The following RNF212 variants were observed in gnomAD, a reference collection of about 807,000 sequenced individuals.
RNF212 encodes probable E3 SUMO-protein ligase RNF212.
In RNF212, 33 loss-of-function variants were observed where a neutral mutation model predicts 34.7. The observed-to-expected ratio is 0.95, with a 90% CI of 0.72 to 1.27. RNF212 has a LOEUF of 1.27. RNF212 is among the 50% of genes most tolerant of loss of function. The pLI, the probability that RNF212 is intolerant of heterozygous loss-of-function variation, is 0.00. For synonymous variants in RNF212, 140 were observed against 136.1 expected, an observed-to-expected ratio of 1.03 and a Z score of -0.20; for missense variants, 377 against 362.2, an observed-to-expected ratio of 1.04 and a Z score of -0.33.
intron 7 of RNF212, 149 bp from the exon 8 acceptor site, chr4:1,079,837 C>A: frequency 1.5e-6 from 1 of 670,696 alleles, no homozygotes; most frequent in Non-Finnish European, 2.7e-6. Context: ...ACTTAGGCAT[C>A]TGATCACTGC....
chr4:1,056,830 G>A, intron 4 of RNF212: 2 of 987,484 alleles, frequency 2.0e-6, no homozygotes, highest in South Asian at 4.7e-5. Context: ...GGCTGGCTGA[G>A]CACTTGCCTA....
intron 1 of RNF212, 133 bp from the exon 2 acceptor site, chr4:1,108,537 G>T: frequency 2.1e-6 from 1 of 467,950 alleles, no homozygotes; most frequent in South Asian, 6.0e-5. Context: ...GTTCTGACAG[G>T]ATGAGGCTGT....
At chr4:1,097,430 C>T (rs1723235636) in intron 2 of RNF212, among the ~76,000 whole-genome samples, 2 of 151,914 alleles carry the variant, frequency 1.3e-5, no homozygotes, top group Admixed American at 6.6e-5. Flanking sequence ...CAGTGAAACC[C>T]CGTCTCTACT....
At chr4:1,106,322 CT>C (rs778460970) in intron 2 of RNF212, among the ~76,000 whole-genome samples, 5 of 151,398 alleles carry the variant, frequency 3.3e-5, no homozygotes, top group Admixed American at 6.6e-5. Flanking sequence ...GAACACACGC[CT>C]TTTTAAACAC....
At chr4:1,070,894 C>T (rs1251023291), downstream of RNF212, among the ~76,000 whole-genome samples, 4 of 151,548 alleles carry the variant, frequency 2.6e-5, no homozygotes, top group African/African-American at 9.7e-5. Flanking sequence ...TTTTTTAATA[C>T]TGTTCTTACA....
chr4:1,075,031 G>A (rs1010342), intron 8 of RNF212, among the ~76,000 whole-genome samples: 120,887 of 152,184 alleles, frequency 0.79, 48,468 homozygotes, highest in African/African-American at 0.88. Flanking sequence ...TCCGCAGAGC[G>A]TTCAAGTGCT....
Position 1,084,205 on chromosome 4 carries a change from C to T in RNF212, c.362+1691G>A, listed in dbSNP as rs140567472. Among the ~76,000 whole-genome samples, 1,498 of 152,266 alleles carry T rather than the reference C, an allele frequency of 9.8e-3. 20 individuals carry two copies. Among genetic ancestry groups the T allele is most frequent in the African/African-American group, 0.034 (1,399 of 41,552 alleles). ...ACCTCAGGTAATCTGCCCACCTTGG[C>T]CTCCCAAAGTGCTGGGATTACAGGC... On this transcript the variant is annotated intron_variant, in intron 5 of 9. Coordinates refer to ENST00000433731, the MANE Select transcript of RNF212 (RefSeq NM_001131034.4).
chr4:1,061,101 G>A (rs530339242), intron 3 of RNF212, among the ~76,000 whole-genome samples: 29 of 152,320 alleles, frequency 1.9e-4, no homozygotes, highest in Admixed American at 1.4e-3. Context: ...CTGAAATCCC[G>A]TTGCAGCTTT....
chr4:1,056,496 A>G, exon 5 of RNF212: 2 of 986,596 alleles, frequency 2.0e-6, no homozygotes, highest in Non-Finnish European at 2.4e-6. Context: ...TGACTTCAAA[A>G]CTTCACACTG....
intron 5 of RNF212, among the ~76,000 whole-genome samples, chr4:1,082,744 C>T (rs1225157025): frequency 1.3e-5 from 2 of 152,192 alleles, no homozygotes; most frequent in Non-Finnish European, 2.9e-5. Flanking sequence ...TGGCTTACTC[C>T]GAATTGCCAG....
downstream of RNF212, among the ~76,000 whole-genome samples, chr4:1,070,630 C>T (rs112697221): frequency 0.014 from 1,017 of 74,142 alleles, no homozygotes; most frequent in African/African-American, 0.017. Context: ...TGTAGGACTG[C>T]GCTGTGTCAG....
At chr4:1,089,805 T>C (rs1367204556) in intron 4 of RNF212, among the ~76,000 whole-genome samples, 1 of 152,234 alleles carries the variant, frequency 6.6e-6, no homozygotes, top group Non-Finnish European at 1.5e-5. Flanking sequence ...CCCTCTCTCC[T>C]GCTGTTAATG....
At chr4:1,092,264 G>C (rs1217422270) in intron 3 of RNF212, among the ~76,000 whole-genome samples, 1 of 152,230 alleles carries the variant, frequency 6.6e-6, no homozygotes. Context: ...TCAGTCTGTG[G>C]CTGATCCTGA....
intron 8 of RNF212, among the ~76,000 whole-genome samples, chr4:1,074,995 A>C (rs1719048305): frequency 6.6e-6 from 1 of 152,194 alleles, no homozygotes; most frequent in African/African-American, 2.4e-5. Flanking sequence ...ACTACATTCC[A>C]TTTGCTGCTC....
intron 5 of RNF212, among the ~76,000 whole-genome samples, chr4:1,084,134 A>G (rs1158577556): frequency 6.6e-6 from 1 of 152,032 alleles, no homozygotes; most frequent in Non-Finnish European, 1.5e-5. Context: ...TGTTTTTAGT[A>G]GAGATGAGGT....
chr4:1,075,227 C>A (rs961042765), intron 8 of RNF212, among the ~76,000 whole-genome samples: 10 of 152,218 alleles, frequency 6.6e-5, no homozygotes, highest in African/African-American at 2.2e-4. Flanking sequence ...CGCATGTTTG[C>A]TCTTTGGATT....
intron 3 of RNF212, among the ~76,000 whole-genome samples, 155 bp from the exon 4 acceptor site, chr4:1,090,993 T>C (rs1722104726): frequency 6.6e-6 from 1 of 152,186 alleles, no homozygotes; most frequent in Non-Finnish European, 1.5e-5. Flanking sequence ...TGGCCAGTGC[T>C]TGCACAGGCA....
intron 4 of RNF212, among the ~76,000 whole-genome samples, chr4:1,090,500 C>T (rs554176184): frequency 6.6e-6 from 1 of 152,326 alleles, no homozygotes; most frequent in South Asian, 2.1e-4. Context: ...ACTCCCAAGG[C>T]CCCAGTGTTG....
At position 1,081,397 on chromosome 4, in the gene RNF212, T is replaced by C. The variant is rs187589316; in HGVS notation, c.464+22A>G. Reference sequence around the variant, plus strand: ...TCGGAAAGACCTGCAGGTCCTGTGATTTCTGCAAGCAACCCACACACCTGT... The same window carrying C: ...TCGGAAAGACCTGCAGGTCCTGTGACTTCTGCAAGCAACCCACACACCTGT... On this transcript the variant is annotated intron_variant, in intron 7 of 9. Coordinates refer to ENST00000433731, the MANE Select transcript of RNF212 (RefSeq NM_001131034.4). 178 of 1,609,684 alleles carry C rather than the reference T, an allele frequency of 1.1e-4. 2 individuals are homozygous for C. The African/African-American group carries it at 2.2e-3, about 20-fold the overall frequency.
Sources: gnomAD v4.1 joint callset for allele counts (sites outside exome capture counted in the v4.1 genomes callset) on GRCh38, gnomAD v4.1.1 for gene constraint, MANE v1.5 for transcripts, NCBI Gene and HGNC (gene_info 2026-07-23, HGNC 2026-07-21) for gene names.